DCC: variants seen among roughly 807,000 people sequenced by gnomAD.
The protein encoded by DCC is DCC netrin 1 receptor.
In DCC, 58 loss-of-function variants were observed where a neutral mutation model predicts 172.5. The observed-to-expected ratio is 0.34, with a 90% CI of 0.27 to 0.42. DCC has a LOEUF of 0.42. Ranked by LOEUF, DCC falls within the 10% of genes least tolerant of loss-of-function variation. The pLI, the probability that DCC is intolerant of heterozygous loss-of-function variation, is 1.00. For missense variants in DCC, 1,740 were observed against 1,791.0 expected, an observed-to-expected ratio of 0.97 and a Z score of 0.51; for synonymous variants, 709 against 644.5, an observed-to-expected ratio of 1.10 and a Z score of -1.52.
At chr18:52,787,883 C>T (rs552107559) in intron 2 of DCC, among the ~76,000 whole-genome samples, 38 of 152,002 alleles carry the variant, frequency 2.5e-4, no homozygotes, top group Non-Finnish European at 4.6e-4. Context: ...AAATTTTTAC[C>T]CTTGCATTAG....
intron 5 of DCC, among the ~76,000 whole-genome samples, chr18:53,035,191 G>A (rs2042076762): frequency 6.7e-6 from 1 of 148,356 alleles, no homozygotes; most frequent in Non-Finnish European, 1.5e-5. Context: ...TGTGAATTTT[G>A]GGAACATTAC....
At chr18:53,026,960 A>C (rs886886244) in intron 5 of DCC, among the ~76,000 whole-genome samples, 2 of 152,096 alleles carry the variant, frequency 1.3e-5, no homozygotes, top group Non-Finnish European at 2.9e-5. Context: ...CTTTGAAAGA[A>C]TTTGTCTCAT....
At chr18:52,515,424 G>A (rs553131575) in intron 1 of DCC, among the ~76,000 whole-genome samples, 4 of 151,212 alleles carry the variant, frequency 2.6e-5, no homozygotes, top group South Asian at 2.1e-4. Context: ...TGGCTAACAC[G>A]GTAAAACCCT....
chr18:52,394,966 A>G (rs1986164884), intron 1 of DCC, among the ~76,000 whole-genome samples: 1 of 152,088 alleles, frequency 6.6e-6, no homozygotes, highest in Non-Finnish European at 1.5e-5. Context: ...TTCCCGTTCC[A>G]AGTCCCAGAC....
intron 1 of DCC, among the ~76,000 whole-genome samples, chr18:52,467,696 C>A (rs1988827197): frequency 6.6e-6 from 1 of 152,160 alleles, no homozygotes; most frequent in Non-Finnish European, 1.5e-5. Flanking sequence ...TCTCAACATC[C>A]TCTCCAGCAT....
intron 25 of DCC, among the ~76,000 whole-genome samples, chr18:53,471,452 A>G (rs1324543115): frequency 6.6e-6 from 1 of 152,134 alleles, no homozygotes; most frequent in Non-Finnish European, 1.5e-5. Flanking sequence ...TTTACAGTCA[A>G]TTCTCTACAC....
chr18:52,572,470 C>T (rs2033322038), intron 1 of DCC, among the ~76,000 whole-genome samples: 1 of 152,150 alleles, frequency 6.6e-6, no homozygotes, highest in Non-Finnish European at 1.5e-5. Context: ...AGCATGTTTC[C>T]TGACAGAATT....
chr18:52,655,778 A>C (rs897911795), intron 1 of DCC, among the ~76,000 whole-genome samples: 6 of 152,104 alleles, frequency 3.9e-5, no homozygotes, highest in African/African-American at 1.2e-4. Flanking sequence ...AAAATAGTTA[A>C]TCCATTAAAA....
chr18:52,655,962 G>A (rs2035235394), intron 1 of DCC, among the ~76,000 whole-genome samples: 1 of 124,290 alleles, frequency 8.0e-6, no homozygotes. Context: ...ATATATGTGT[G>A]TGTGTGTGTG....
At chr18:53,066,871 T>G (rs987860532) in intron 7 of DCC, among the ~76,000 whole-genome samples, 3 of 152,006 alleles carry the variant, frequency 2.0e-5, no homozygotes, top group East Asian at 3.9e-4. Flanking sequence ...CTCAGGAAAC[T>G]TGAGATTATG....
At chr18:52,420,102 C>T (rs575314236) in intron 1 of DCC, among the ~76,000 whole-genome samples, 4 of 152,142 alleles carry the variant, frequency 2.6e-5, no homozygotes, top group South Asian at 2.1e-4. Flanking sequence ...CATTATTTTT[C>T]GGTTTTGCAT....
intron 7 of DCC, among the ~76,000 whole-genome samples, chr18:53,071,978 A>G (rs952990043): frequency 1.3e-5 from 2 of 152,060 alleles, no homozygotes; most frequent in Non-Finnish European, 2.9e-5. Flanking sequence ...AAAATACAAA[A>G]TTAGTTGGGC....
rs184217146 is a variant in DCC, at chr18:52,521,205, A to C, written c.91+180327A>C. On this transcript the variant is annotated intron_variant, in intron 1 of 28. Transcript: ENST00000442544. ...TTTTTTTTGAGATTTAACTAAGTTA[A>C]TTTTTGTAATTAGAGGAAATTAATA... is the stretch of plus-strand genomic sequence containing the variant. 1.5e-3 allele frequency among the ~76,000 whole-genome samples: 226 copies of C among 152,290 alleles called. 1 individual carries two copies. Among genetic ancestry groups the C allele is most frequent in the Middle Eastern group, 6.8e-3 (2 of 294 alleles).
At chr18:52,691,063 A>G (rs987785514) in intron 1 of DCC, among the ~76,000 whole-genome samples, 7 of 152,108 alleles carry the variant, frequency 4.6e-5, no homozygotes, top group African/African-American at 1.7e-4. Context: ...ACTGCCATGT[A>G]CCCCAGAATA....
chr18:52,483,782 A>G (rs1386194958), intron 1 of DCC, among the ~76,000 whole-genome samples: 1 of 151,902 alleles, frequency 6.6e-6, no homozygotes, highest in Non-Finnish European at 1.5e-5. Context: ...ATTTTTTTCA[A>G]TTTATTGATG....
At chr18:52,633,282 G>A (rs1124084) in intron 1 of DCC, among the ~76,000 whole-genome samples, 1 of 152,122 alleles carries the variant, frequency 6.6e-6, no homozygotes, top group Admixed American at 6.5e-5. Context: ...TTCTCTTCTG[G>A]TCCTTTGCAG....
intron 1 of DCC, among the ~76,000 whole-genome samples, chr18:52,593,627 A>C (rs1366136089): frequency 1.3e-5 from 2 of 152,170 alleles, no homozygotes; most frequent in Non-Finnish European, 2.9e-5. Context: ...CTTAACACAA[A>C]CTTTAATCAC....
At chr18:52,457,046 A>G (rs539573042) in intron 1 of DCC, among the ~76,000 whole-genome samples, 3 of 152,098 alleles carry the variant, frequency 2.0e-5, no homozygotes, top group South Asian at 4.1e-4. Context: ...ACACATGAAG[A>G]GCTTTTTGTA....
intron 1 of DCC, among the ~76,000 whole-genome samples, chr18:52,550,069 G>A (rs183492217): frequency 6.6e-6 from 1 of 151,956 alleles, no homozygotes; most frequent in Non-Finnish European, 1.5e-5. Flanking sequence ...ACAGCAATAG[G>A]TCATGTTGAT....
Sources: allele counts gnomAD v4.1 joint callset (sites outside exome capture counted in the v4.1 genomes callset), GRCh38; gene constraint gnomAD v4.1.1; transcripts MANE v1.5; gene names NCBI Gene and HGNC (gene_info 2026-07-23, HGNC 2026-07-21).